The following TJP3 variants were observed in gnomAD, a reference collection of about 807,000 sequenced individuals.
The protein encoded by TJP3 is tight junction protein ZO-3.
TJP3 carries 85 observed loss-of-function variants against 104.2 expected under a neutral mutation model. The observed-to-expected ratio is 0.82, with a 90% CI of 0.68 to 0.98. TJP3 has a LOEUF of 0.98. Among genes scored for constraint, TJP3 ranks in the 50% least tolerant of loss-of-function variants. TJP3 has a pLI of 0.00. For synonymous variants in TJP3, 550 were observed against 550.6 expected, an observed-to-expected ratio of 1.00 and a Z score of 0.02; for missense variants, 1,367 against 1,322.8, an observed-to-expected ratio of 1.03 and a Z score of -0.52.
At chr19:3,713,955 G>T in intron 1 of TJP3, among the ~76,000 whole-genome samples, 1 of 148,784 alleles carries the variant, frequency 6.7e-6, no homozygotes, top group Admixed American at 6.8e-5. Context: ...TCCATCTCTT[G>T]ACCTCGTGAT....
At chr19:3,726,763 TGG>T (rs1005380579) in intron 1 of TJP3, among the ~76,000 whole-genome samples, 2 of 151,766 alleles carry the variant, frequency 1.3e-5, no homozygotes, top group Non-Finnish European at 2.9e-5. Flanking sequence ...CTCAGGAGGC[TGG>T]GGCAGGAGGA....
chr19:3,715,352 G>A (rs1401016034), intron 1 of TJP3, among the ~76,000 whole-genome samples: 1 of 152,124 alleles, frequency 6.6e-6, no homozygotes, highest in Non-Finnish European at 1.5e-5. Context: ...GCCTCCCAAA[G>A]TGCTGGGATT....
At position 3,738,908 on chromosome 19, in the gene TJP3, A is replaced by G. The variant is rs2036773707; in HGVS notation, c.1405A>G (p.Met469Val). Residue 469 changes from methionine (M) to valine (V), a missense_variant, in exon 13 of 21, where the codon ATG becomes GTG. By Grantham distance (21) the Met-to-Val change is conservative. Coordinates refer to ENST00000541714, the MANE Select transcript of TJP3 (RefSeq NM_001267560.2). Reference sequence around the variant, plus strand: ...CCCGCTCTCCCCAGTTTTCTGGAAAATGGTGCAGTCCCGCGTGGGTGACTC... The same window carrying G: ...CCCGCTCTCCCCAGTTTTCTGGAAAGTGGTGCAGTCCCGCGTGGGTGACTC... Reference protein sequence around the residue: ...TQRKQDIFWKMVQSRVGDSFY... With the variant: ...TQRKQDIFWKVVQSRVGDSFY... 2.5e-6 allele frequency: 4 copies of G among 1,589,984 alleles called. No individual in the cohort carries two copies. Among genetic ancestry groups the G allele is most frequent in the Non-Finnish European group, 3.4e-6 (4 of 1,163,500 alleles).
intron 13 of TJP3, among the ~76,000 whole-genome samples, chr19:3,739,963 G>C (rs1344382068): frequency 7.2e-5 from 11 of 152,164 alleles, no homozygotes; most frequent in African/African-American, 2.7e-4. Context: ...GCCAGGCACG[G>C]TGGCTCACGC....
chr19:3,715,402 T>C (rs2036468906), intron 1 of TJP3, among the ~76,000 whole-genome samples: 1 of 152,126 alleles, frequency 6.6e-6, no homozygotes, highest in South Asian at 2.1e-4. Context: ...AGCAGGTTTT[T>C]AATTCATTAA....
intron 14 of TJP3, among the ~76,000 whole-genome samples, chr19:3,741,115 C>T (rs2036811052): frequency 1.3e-5 from 2 of 151,984 alleles, no homozygotes. Flanking sequence ...ATTCTCTTGC[C>T]TCAGCCTCCC....
chr19:3,709,457 A>T (rs891615464), intron 1 of TJP3, among the ~76,000 whole-genome samples: 1 of 152,110 alleles, frequency 6.6e-6, no homozygotes, highest in African/African-American at 2.4e-5. Context: ...GAGGGGAAGG[A>T]GGAAGGAGCG....
intron 14 of TJP3, among the ~76,000 whole-genome samples, chr19:3,743,480 A>G (rs2036848659): frequency 6.6e-6 from 1 of 152,206 alleles, no homozygotes; most frequent in Admixed American, 6.5e-5. Flanking sequence ...CTCTGGCAGA[A>G]CTACTCAGCT....
At chr19:3,710,668 C>T (rs1398274229) in intron 1 of TJP3, among the ~76,000 whole-genome samples, 1 of 152,068 alleles carries the variant, frequency 6.6e-6, no homozygotes, top group Non-Finnish European at 1.5e-5. Context: ...GAAGCCTAGG[C>T]TGGGGGGAGG....
chr19:3,746,898 G>C lies in TJP3; in HGVS notation c.2322+22G>C, dbSNP rs1466821941. ...TCAGGTACTGCCGCGGTGTGGGTGGGTCGGGCAGGGAGGCCCCACAGACGC... is the reference window on the plus strand; with the variant it reads ...TCAGGTACTGCCGCGGTGTGGGTGGCTCGGGCAGGGAGGCCCCACAGACGC... On this transcript the variant is annotated intron_variant, in intron 18 of 20. Coordinates refer to ENST00000541714, the MANE Select transcript of TJP3 (RefSeq NM_001267560.2). The surrounding 1 kb of genome is among the most constrained non-coding windows in gnomAD (Gnocchi z 4.1). 5.8e-5 allele frequency: 89 copies of C among 1,529,906 alleles called. No individual in the cohort carries two copies. The highest frequency in any genetic ancestry group is 7.6e-5 in the Non-Finnish European group (85 of 1,118,988). 94.8% of individuals were successfully genotyped at this position (1,529,906 alleles called of 1,614,324 possible).
At position 3,739,018 on chromosome 19, in the gene TJP3, G is replaced by A. The variant is rs572869852; in HGVS notation, c.1515G>A (p.Leu505=). The A allele has an allele frequency of 1.2e-6, 2 of 1,612,852 alleles. No homozygotes were observed. The highest frequency in any genetic ancestry group is 1.7e-4 in the Middle Eastern group (1 of 6,042). Residue 505 remains leucine (L), a synonymous_variant, in exon 13 of 21, where the codon CTG becomes CTA. Transcript: ENST00000541714. The stretch of plus-strand genomic sequence containing the variant: ...CCCGTGGCGACGTCTTCCACGTGCT[G>A]GACACGCTGCACCCCGGCCCCGGGC... ...GFTRGDVFHV[L]DTLHPGPGQS...
chr19:3,713,260 CTCTCTG>C (rs2036449377), intron 1 of TJP3, among the ~76,000 whole-genome samples: 1 of 152,180 alleles, frequency 6.6e-6, no homozygotes, highest in Admixed American at 6.5e-5. Context: ...TCCATCTCTG[CTCTCTG>C]TCTCTGCTCC....
intron 1 of TJP3, among the ~76,000 whole-genome samples, chr19:3,710,974 G>A (rs1230729733): frequency 6.6e-6 from 1 of 151,792 alleles, no homozygotes; most frequent in Non-Finnish European, 1.5e-5. Context: ...CGCGATCTCG[G>A]CTCACTGCAA....
At position 3,723,807 on chromosome 19, in the gene TJP3, A is replaced by AT. The variant is rs1568379963; in HGVS notation, c.-9-4617_-9-4616insT. ...CACTCTGTCTCAAAAGAAAAAAAAA[A>AT]AATATATATATATATATATATAAAA... On this transcript the variant is annotated intron_variant, in intron 1 of 20. Transcript: ENST00000541714. Among the ~76,000 whole-genome samples the AT allele has an allele frequency of 3.6e-3, 337 of 92,808 alleles. 3 individuals are homozygous for AT. Among genetic ancestry groups the AT allele is most frequent in the East Asian group, 0.016 (49 of 3,046 alleles). The allele number at this position is 92,808 out of a possible 152,430, so 60.9% of individuals were successfully genotyped here. A position where few individuals can be genotyped will look rare whatever the true frequency, so the allele number is the denominator to read the frequency against.
chr19:3,723,793 A>C (rs998735444), intron 1 of TJP3, among the ~76,000 whole-genome samples: 4 of 64,320 alleles, frequency 6.2e-5, no homozygotes, highest in African/African-American at 1.6e-4. Context: ...ACTCTGTCTC[A>C]AAAGAAAAAA....
rs988009866 is a variant in TJP3, at chr19:3,730,253, G to A, written c.262-102G>A. The A allele has an allele frequency of 3.2e-5, 48 of 1,483,238 alleles. No individual in the cohort carries two copies. Among genetic ancestry groups the A allele is most frequent in the Non-Finnish European group, 4.4e-5 (48 of 1,084,988 alleles). The allele number at this position is 1,483,238 out of a possible 1,614,324, so 91.9% of individuals were successfully genotyped here. On this transcript the variant is annotated intron_variant, in intron 4 of 20. Coordinates refer to ENST00000541714, the MANE Select transcript of TJP3 (RefSeq NM_001267560.2). The surrounding 1 kb of genome is among the most constrained non-coding windows in gnomAD (Gnocchi z 7.3). ...CTCATCTTACAGTTTGGACATTGAG[G>A]CCCAGAGAGAGACTGGTGTCCCCCA...
chr19:3,717,021 A>T (rs2036484928), intron 1 of TJP3, among the ~76,000 whole-genome samples: 1 of 141,006 alleles, frequency 7.1e-6, no homozygotes, highest in Non-Finnish European at 1.6e-5. Context: ...GCTGGAGTGC[A>T]ATGGCCCGAT....
At chr19:3,732,121 C>G in intron 6 of TJP3, 83 bp downstream of exon 6, 1 of 1,141,396 alleles carries the variant, frequency 8.8e-7, no homozygotes, top group Non-Finnish European at 1.2e-6. Flanking sequence ...ACAGCAAGGA[C>G]AGCAGAACTG....
intron 6 of TJP3, 119 bp downstream of exon 6, chr19:3,732,157 T>C: frequency 1.3e-6 from 1 of 750,004 alleles, no homozygotes; most frequent in Non-Finnish European, 2.1e-6. Context: ...ACCTTCAGTG[T>C]TGTTGCTTGT....
Sources: gnomAD v4.1 joint callset for allele counts (sites outside exome capture counted in the v4.1 genomes callset) on GRCh38, gnomAD v4.1.1 for gene constraint, Gnocchi (gnomAD v3.1) non-coding constraint, MANE v1.5 for transcripts, NCBI Gene and HGNC (gene_info 2026-07-23, HGNC 2026-07-21) for gene names.